NIT2: variants seen among roughly 807,000 people sequenced by gnomAD.
NIT2 encodes nitrilase family member 2, also known as omega-amidase NIT2.
A neutral mutation model predicts 42.7 loss-of-function variants in NIT2; 46 were observed. The ratio of observed to expected loss-of-function variants is 1.08; its 90% CI spans 0.85 to 1.38. NIT2 has a LOEUF of 1.38. Ranked by LOEUF, NIT2 falls within the 40% of genes most tolerant of loss-of-function variation. The pLI is 0.00. For missense variants in NIT2, 309 were observed against 342.5 expected (o/e 0.90, Z 0.77); for synonymous variants, 123 against 121.9 (o/e 1.01, Z -0.06).
chr3:100,351,076 T>C (rs1258369490), intron 7 of NIT2, among the ~76,000 whole-genome samples: 1 of 152,186 alleles, frequency 6.6e-6, no homozygotes, highest in African/African-American at 2.4e-5. Context: ...ATGGTGTATA[T>C]GTGCCACATT....
chr3:100,338,623 A>G (rs760651326), intron 1 of NIT2, among the ~76,000 whole-genome samples: 4 of 152,208 alleles, frequency 2.6e-5, no homozygotes, highest in African/African-American at 7.2e-5. Context: ...GGACATACTC[A>G]GTATATGGAT....
chr3:100,339,926 C>A lies in NIT2; in HGVS notation c.238C>A (p.Leu80Ile). ...AGTAGCAAAGGAATGCAGCATATAT[C>A]TCATTGGAGGTAACTTCCTACCCAC... ...SEVAKECSIY[L>I]IGGSIPEEDA... Residue 80 changes from leucine to isoleucine, a missense_variant, in exon 3 of 10, where the codon CTC becomes ATC. Coordinates refer to ENST00000394140, the MANE Select transcript of NIT2 (RefSeq NM_020202.5). 1 of 1,612,398 alleles carries A rather than the reference C, an allele frequency of 6.2e-7. No individual in the cohort carries two copies.
intron 8 of NIT2, 120 bp downstream of exon 8, chr3:100,352,622 C>T: frequency 1.6e-6 from 1 of 631,178 alleles, no homozygotes; most frequent in East Asian, 3.0e-5. Context: ...CCCATTTCCC[C>T]ACATATCCTG....
intron 7 of NIT2, 79 bp from the exon 8 acceptor site, chr3:100,352,322 AAAG>A: frequency 2.8e-6 from 3 of 1,054,934 alleles, no homozygotes; most frequent in Non-Finnish European, 4.3e-6. Flanking sequence ...CTATTTTTTA[AAAG>A]AAGGATCTAT....
intron 4 of NIT2, among the ~76,000 whole-genome samples, chr3:100,345,167 C>G (rs1442545994): frequency 6.6e-6 from 1 of 152,038 alleles, no homozygotes; most frequent in Non-Finnish European, 1.5e-5. Context: ...CTACTTTGGC[C>G]AGGCTGGTCT....
At chr3:100,354,709 C>CA (rs1706307620) in intron 8 of NIT2, 63 bp from the exon 9 acceptor site, 5 of 1,354,400 alleles carry the variant, frequency 3.7e-6, no homozygotes, top group Non-Finnish European at 5.1e-6. Context: ...GAGGAAAAAA[C>CA]AGAGACCTTG....
intron 3 of NIT2, 112 bp from the exon 4 acceptor site, chr3:100,340,961 G>A (rs1354257990): frequency 7.4e-6 from 5 of 677,704 alleles, no homozygotes; most frequent in African/African-American, 5.5e-5. Context: ...TAAATAAACC[G>A]TAAAAGATAG....
rs1453109070 is a variant in NIT2, at chr3:100,361,563, A to G, written c.*6295A>G. 1 of 152,228 alleles carries G rather than the reference A, an allele frequency of 6.6e-6. No individual in the cohort carries two copies. The highest frequency in any genetic ancestry group is 1.5e-5 in the Non-Finnish European group (1 of 68,038). 9.4% of individuals were successfully genotyped at this position (152,228 alleles called of 1,614,324 possible). On this transcript the variant is annotated 3_prime_UTR_variant, in exon 10 of 10. Coordinates refer to ENST00000394140, the MANE Select transcript of NIT2 (RefSeq NM_020202.5). ...GCATGAAGACCTTTGAGAAGGATCT[A>G]TAGCTGTCAACTCCTAATATGATTT...
chr3:100,342,014 A>G (rs551244768), intron 4 of NIT2, among the ~76,000 whole-genome samples: 9 of 152,164 alleles, frequency 5.9e-5, no homozygotes, highest in African/African-American at 1.9e-4. Flanking sequence ...CTGCACTCCA[A>G]CCTGGGCAAG....
intron 1 of NIT2, among the ~76,000 whole-genome samples, chr3:100,335,442 A>G (rs954459974): frequency 1.4e-4 from 21 of 152,064 alleles, no homozygotes; most frequent in African/African-American, 4.3e-4. Context: ...CCCCTTGGTA[A>G]GGTCTTCGTT....
rs76701246 is a variant in NIT2 at position 100,352,938 on chromosome 3, A to G, written c.683+436A>G. ...TCAGAGGAGCAGTCAGGATGGTTCAATAAGTGAAACTATGACCCTCTCCCC... is the reference window on the plus strand; with the variant it reads ...TCAGAGGAGCAGTCAGGATGGTTCAGTAAGTGAAACTATGACCCTCTCCCC... On this transcript the variant is annotated intron_variant, in intron 8 of 9. Coordinates refer to ENST00000394140, the MANE Select transcript of NIT2 (RefSeq NM_020202.5). 9.9e-3 allele frequency among the ~76,000 whole-genome samples: 1,503 copies of G among 152,328 alleles called. 23 individuals are homozygous for G. The highest frequency in any genetic ancestry group is 0.035 in the African/African-American group (1,454 of 41,576).
At position 100,334,796 on chromosome 3, in the gene NIT2, C is replaced by T. The variant is rs774221110; in HGVS notation, c.5C>T (p.Thr2Ile). 2.9e-5 allele frequency: 38 copies of T among 1,305,432 alleles called. No homozygotes were observed. Among genetic ancestry groups the T allele is most frequent in the Non-Finnish European group, 3.6e-5 (37 of 1,021,122 alleles). 80.9% of individuals were successfully genotyped at this position (1,305,432 alleles called of 1,614,324 possible). The change falls in exon 1 of 10, where the codon ACC becomes ATC. Residue 2 changes from threonine to isoleucine, a missense_variant and splice_region_variant. Transcript: ENST00000394140. The stretch of plus-strand genomic sequence containing the variant: ...GTGGTGCTTGTCTGCAGAGTCATGA[C>T]CTGTAAGTGGCGCGGCCGCGCGCTG... M[T>I]SFRLALIQLQ...
chr3:100,345,510 C>T (rs771346710), intron 4 of NIT2, 75 bp from the exon 5 acceptor site: 8 of 1,003,786 alleles, frequency 8.0e-6, no homozygotes, highest in Non-Finnish European at 7.7e-6. Context: ...CGTATCTGCC[C>T]GGGGAAAGAT....
At chr3:100,352,544 G>C in intron 8 of NIT2, 42 bp downstream of exon 8, 1 of 1,512,440 alleles carries the variant, frequency 6.6e-7, no homozygotes, top group South Asian at 1.1e-5. Flanking sequence ...CGGAGCTTGA[G>C]CTTGAGTGGT....
At chr3:100,347,079 G>A (rs1033362066) in intron 6 of NIT2, among the ~76,000 whole-genome samples, 4 of 150,844 alleles carry the variant, frequency 2.7e-5, no homozygotes, top group African/African-American at 9.7e-5. Context: ...AGATAAATTT[G>A]TTTTTTTTTG....
intron 6 of NIT2, among the ~76,000 whole-genome samples, chr3:100,347,330 A>G (rs1013291041): frequency 3.2e-4 from 49 of 152,338 alleles, no homozygotes; most frequent in African/African-American, 1.2e-3. Context: ...TCCTGACTTC[A>G]GGTGATCTAC....
chr3:100,347,134 C>T (rs576951211), intron 6 of NIT2, among the ~76,000 whole-genome samples: 22 of 152,002 alleles, frequency 1.4e-4, no homozygotes, highest in African/African-American at 4.6e-4. Context: ...TAGCTCTTGT[C>T]GCCCAGGCTG....
At chr3:100,350,411 A>G (rs138318977) in intron 7 of NIT2, among the ~76,000 whole-genome samples, 6 of 152,306 alleles carry the variant, frequency 3.9e-5, no homozygotes, top group Non-Finnish European at 8.8e-5. Context: ...TGGGCATGGA[A>G]GCGCCATGTG....
At chr3:100,349,008 A>T in intron 7 of NIT2, 127 bp downstream of exon 7, 1 of 721,250 alleles carries the variant, frequency 1.4e-6, no homozygotes, top group Non-Finnish European at 2.4e-6. Context: ...CTTGTATCCA[A>T]ATGCAGTTGG....
Sources: gnomAD v4.1 joint callset for allele counts (sites outside exome capture counted in the v4.1 genomes callset) on GRCh38, gnomAD v4.1.1 for gene constraint, MANE v1.5 for transcripts, NCBI Gene and HGNC (gene_info 2026-07-23, HGNC 2026-07-21) for gene names.